Variants in NEGR1 observed in about 807,000 individuals in gnomAD.
The protein encoded by NEGR1 is IgLON family member 4.
In NEGR1, 10 loss-of-function variants were observed where a neutral mutation model predicts 40.9. The ratio of observed to expected loss-of-function variants is 0.24; its 90% CI spans 0.15 to 0.42. The LOEUF (loss-of-function observed/expected upper bound fraction) is 0.42. Ranked by LOEUF, NEGR1 falls within the 10% of genes least tolerant of loss-of-function variation. The probability of loss-of-function intolerance (pLI) is 1.00; values close to 1 mark genes in which losing one functional copy is unlikely to be tolerated. For synonymous variants in NEGR1, 185 were observed against 166.8 expected, an observed-to-expected ratio of 1.11 and a Z score of -0.84; for missense variants, 352 against 438.9, an observed-to-expected ratio of 0.80 and a Z score of 1.77.
At chr1:72,057,816 G>A (rs1647125880) in intron 1 of NEGR1, among the ~76,000 whole-genome samples, 2 of 151,408 alleles carry the variant, frequency 1.3e-5, no homozygotes, top group Non-Finnish European at 3.0e-5. Context: ...TTCTCACATG[G>A]CAGAGACAGA....
chr1:72,073,649 C>T (rs1557513168), intron 1 of NEGR1, among the ~76,000 whole-genome samples: 2 of 151,944 alleles, frequency 1.3e-5, no homozygotes, highest in Non-Finnish European at 1.5e-5. Flanking sequence ...TAAACTATGT[C>T]AATAATAATA....
intron 1 of NEGR1, among the ~76,000 whole-genome samples, chr1:72,089,332 T>C (rs1238769368): frequency 6.6e-6 from 1 of 152,210 alleles, no homozygotes; most frequent in Admixed American, 6.5e-5. Context: ...TTACAAGGGC[T>C]GGCAGACTAA....
chr1:71,652,867 A>C (rs1651763193), intron 4 of NEGR1, among the ~76,000 whole-genome samples: 1 of 149,810 alleles, frequency 6.7e-6, no homozygotes, highest in Non-Finnish European at 1.5e-5. Flanking sequence ...TCATCTCAGA[A>C]AAAAAAAAAA....
At chr1:71,418,883 A>T (rs1020073736) in intron 6 of NEGR1, among the ~76,000 whole-genome samples, 9 of 152,188 alleles carry the variant, frequency 5.9e-5, no homozygotes, top group African/African-American at 2.2e-4. Flanking sequence ...ATAAGGGCTT[A>T]ATAAATAATT....
intron 2 of NEGR1, among the ~76,000 whole-genome samples, chr1:71,812,925 T>C (rs1320415116): frequency 1.3e-5 from 2 of 152,164 alleles, no homozygotes; most frequent in African/African-American, 4.8e-5. Flanking sequence ...CTTGCTGAGC[T>C]CTTTAGTGTA....
At chr1:71,515,597 C>A (rs916278276) in intron 6 of NEGR1, among the ~76,000 whole-genome samples, 6 of 63,894 alleles carry the variant, frequency 9.4e-5, no homozygotes, top group African/African-American at 5.3e-4. Context: ...AAAGGAACAA[C>A]CGGTACCAGC....
At chr1:71,513,784 G>C (rs570738301) in intron 6 of NEGR1, among the ~76,000 whole-genome samples, 72 of 151,812 alleles carry the variant, frequency 4.7e-4, no homozygotes, top group African/African-American at 1.6e-3. Context: ...GCAGAAGACG[G>C]GTGATTTCTG....
At chr1:71,564,895 A>G (rs1212225854) in intron 6 of NEGR1, among the ~76,000 whole-genome samples, 1 of 152,142 alleles carries the variant, frequency 6.6e-6, no homozygotes, top group Non-Finnish European at 1.5e-5. Flanking sequence ...TTGCAGAGAC[A>G]TGGTTAAAAC....
intron 5 of NEGR1, among the ~76,000 whole-genome samples, chr1:71,602,235 A>ATT (rs1649944894): frequency 1.2e-5 from 1 of 82,232 alleles, no homozygotes; most frequent in Non-Finnish European, 2.5e-5. Flanking sequence ...GCCCATGATT[A>ATT]TTCTTTTTTT....
At chr1:72,274,535 T>C (rs1655970978) in intron 1 of NEGR1, 5 of 710,666 alleles carry the variant, frequency 7.0e-6, no homozygotes, top group Non-Finnish European at 1.3e-5. Flanking sequence ...TCCCAATGTT[T>C]GTTTAAAACT....
At chr1:71,488,987 T>C (rs1646906365) in intron 6 of NEGR1, among the ~76,000 whole-genome samples, 1 of 151,866 alleles carries the variant, frequency 6.6e-6, no homozygotes, top group African/African-American at 2.4e-5. Flanking sequence ...CTTTTAAGTC[T>C]GTTCTCTGAG....
intron 2 of NEGR1, among the ~76,000 whole-genome samples, chr1:71,924,175 A>C (rs1293370537): frequency 6.6e-6 from 1 of 152,198 alleles, no homozygotes; most frequent in East Asian, 1.9e-4. Context: ...TCTTAAAATC[A>C]GATTACATTT....
intron 5 of NEGR1, among the ~76,000 whole-genome samples, chr1:71,605,870 A>G (rs1056986803): frequency 2.0e-5 from 3 of 152,222 alleles, no homozygotes; most frequent in African/African-American, 7.2e-5. Context: ...AATAACTAGT[A>G]TATAGCATTA....
intron 4 of NEGR1, among the ~76,000 whole-genome samples, chr1:71,685,088 T>C (rs1339413643): frequency 2.0e-5 from 3 of 152,152 alleles, no homozygotes; most frequent in Non-Finnish European, 4.4e-5. Context: ...AATTTTTCCC[T>C]TTAGTGTTCA....
chr1:71,668,815 T>A (rs1402476180), intron 4 of NEGR1, among the ~76,000 whole-genome samples: 1 of 152,120 alleles, frequency 6.6e-6, no homozygotes, highest in Non-Finnish European at 1.5e-5. Flanking sequence ...GGTGAGAATA[T>A]AAGGATGGAG....
intron 2 of NEGR1, among the ~76,000 whole-genome samples, chr1:71,856,429 T>C (rs771734564): frequency 1.3e-5 from 2 of 152,104 alleles, no homozygotes; most frequent in Admixed American, 1.3e-4. Context: ...TTTATTTATT[T>C]ATTCATTCAT....
intron 6 of NEGR1, among the ~76,000 whole-genome samples, chr1:71,544,018 G>A (rs556029772): frequency 6.6e-6 from 1 of 151,514 alleles, no homozygotes; most frequent in Non-Finnish European, 1.5e-5. Context: ...TGTTTATGAG[G>A]AAGATGTATT....
intron 2 of NEGR1, among the ~76,000 whole-genome samples, chr1:71,908,318 C>A (rs566987967): frequency 6.6e-6 from 1 of 151,920 alleles, no homozygotes; most frequent in Non-Finnish European, 1.5e-5. Context: ...TAACTTGATG[C>A]AAACATTTCC....
chr1:71,535,220 T>A (rs1647477407), intron 6 of NEGR1, among the ~76,000 whole-genome samples: 2 of 151,694 alleles, frequency 1.3e-5, no homozygotes, highest in Non-Finnish European at 3.0e-5. Context: ...TTTTCTATGT[T>A]CCGTAACTTG....
Sources: gnomAD v4.1 joint callset for allele counts (sites outside exome capture counted in the v4.1 genomes callset) on GRCh38, gnomAD v4.1.1 for gene constraint, MANE v1.5 for transcripts, NCBI Gene and HGNC (gene_info 2026-07-23, HGNC 2026-07-21) for gene names.